THSD4: variants seen among roughly 807,000 people sequenced by gnomAD.
THSD4 encodes thrombospondin type 1 domain containing 4, also known as thrombospondin type-1 domain-containing protein 4.
In THSD4, 69 loss-of-function variants were observed where a neutral mutation model predicts 119.0. The ratio of observed to expected loss-of-function variants is 0.58; its 90% confidence interval spans 0.48 to 0.71. The LOEUF is 0.71. Among genes scored for constraint, THSD4 ranks in the 30% least tolerant of loss-of-function variants. THSD4 has a pLI of 0.00. For missense variants in THSD4, 1,393 were observed against 1,391.1 expected (o/e 1.00, Z -0.02); for synonymous variants, 524 against 540.4 (o/e 0.97, Z 0.42).
intron 13 of THSD4, 54 bp from the exon 14 acceptor site, chr15:71,748,367 C>G: frequency 6.2e-7 from 1 of 1,600,764 alleles, no homozygotes; most frequent in Non-Finnish European, 8.5e-7. Flanking sequence ...ACTGGCAATT[C>G]TCTCCCAGAG....
rs184800424 is a variant in THSD4, at chr15:71,709,193, G to A, written c.1358-19356G>A. Among the ~76,000 whole-genome samples the A allele has an allele frequency of 2.6e-5, 4 of 152,316 alleles. No homozygotes were observed. The East Asian group carries it at 7.7e-4, about 29-fold the overall frequency. ...CAGGGGGAGGAGTAATTAAAATAAGGTGTGTGAATTTACTCTGCGAACTAT... is the reference window on the plus strand; with the variant it reads ...CAGGGGGAGGAGTAATTAAAATAAGATGTGTGAATTTACTCTGCGAACTAT... On this transcript the variant is annotated intron_variant, in intron 8 of 17. Coordinates refer to ENST00000261862, the MANE Select transcript of THSD4 (RefSeq NM_024817.3).
chr15:71,122,243 C>T (rs995262441), intron 1 of THSD4, among the ~76,000 whole-genome samples: 2 of 152,070 alleles, frequency 1.3e-5, no homozygotes, highest in African/African-American at 4.8e-5. Context: ...GATTTACCTG[C>T]GTTCTTTTAT....
At chr15:71,289,807 A>C (rs1055414167) in intron 6 of THSD4, among the ~76,000 whole-genome samples, 3 of 152,198 alleles carry the variant, frequency 2.0e-5, no homozygotes, top group Middle Eastern at 3.4e-3. Flanking sequence ...GGAACAAGGG[A>C]AGAATAGGAA....
chr15:71,336,513 A>T (rs934210030), intron 6 of THSD4, among the ~76,000 whole-genome samples: 2 of 152,212 alleles, frequency 1.3e-5, no homozygotes, highest in Non-Finnish European at 2.9e-5. Flanking sequence ...AGTATCCAGA[A>T]TGTTTGGAGT....
rs1033621483 is a variant in THSD4 at position 71,242,697 on chromosome 15, G to A, written c.513G>A (p.Lys171=). The A allele has an allele frequency of 1.2e-6, 2 of 1,614,190 alleles. No homozygotes were observed. The highest frequency in any genetic ancestry group is 1.1e-5 in the South Asian group (1 of 91,078). Residue 171 remains lysine, a synonymous_variant, in exon 5 of 18, where the codon AAG becomes AAA. Transcript: ENST00000261862. The stretch of plus-strand genomic sequence containing the variant: ...GCCCTGGCAAGTATGGCTATGGTAA[G>A]GCCCCATATATCTTACCACTGCAGA... ...TIGPGKYGYG[K]APYILPLQTD... is the part of the protein sequence containing the mutation.
intron 8 of THSD4, among the ~76,000 whole-genome samples, chr15:71,684,983 C>T (rs1047782042): frequency 6.6e-6 from 1 of 152,038 alleles, no homozygotes; most frequent in Admixed American, 6.6e-5. Context: ...GTATCTTTTT[C>T]ATGGAGAATT....
chr15:71,492,412 G>A (rs1375746217), intron 7 of THSD4, among the ~76,000 whole-genome samples: 6 of 151,360 alleles, frequency 4.0e-5, no homozygotes, highest in Admixed American at 2.0e-4. Context: ...CCACAGGTGC[G>A]CACCACCATG....
At chr15:71,344,294 C>G (rs956967384) in intron 6 of THSD4, among the ~76,000 whole-genome samples, 13 of 151,842 alleles carry the variant, frequency 8.6e-5, no homozygotes, top group Admixed American at 7.9e-4. Context: ...CCACCCGCCT[C>G]GGCCCCCCAA....
chr15:71,199,620 G>GGTGTGTGGTGTGTGTGGTGT (rs2043759364), intron 3 of THSD4, among the ~76,000 whole-genome samples: 1 of 54,348 alleles, frequency 1.8e-5, no homozygotes, highest in East Asian at 6.9e-4. Flanking sequence ...GTGGTGTGTG[G>GGTGTGTGGTGTGTGTGGTGT]GTGTGTGGTG....
chr15:71,348,355 C>G (rs1022812688), intron 6 of THSD4: 1 of 152,226 alleles, frequency 6.6e-6, no homozygotes, highest in Non-Finnish European at 1.5e-5. Context: ...TCAATTGATG[C>G]TGTTGTTGCT....
chr15:71,661,024 T>A (rs532763762), intron 8 of THSD4, among the ~76,000 whole-genome samples: 1 of 152,350 alleles, frequency 6.6e-6, no homozygotes, highest in African/African-American at 2.4e-5. Flanking sequence ...GCCCAAATTA[T>A]TGCTCTGAGA....
At chr15:71,496,284 C>T (rs1397292031) in intron 7 of THSD4, among the ~76,000 whole-genome samples, 1 of 152,094 alleles carries the variant, frequency 6.6e-6, no homozygotes, top group Admixed American at 6.6e-5. Context: ...TTTAGTTGTA[C>T]AATAGAAAGC....
intron 7 of THSD4, among the ~76,000 whole-genome samples, chr15:71,634,265 G>T (rs1194559511): frequency 6.6e-6 from 1 of 152,154 alleles, no homozygotes; most frequent in Admixed American, 6.5e-5. Context: ...GATTAGGTGG[G>T]ATTGCATAAG....
intron 6 of THSD4, among the ~76,000 whole-genome samples, chr15:71,265,644 GC>G (rs2044456415): frequency 6.6e-6 from 1 of 152,108 alleles, no homozygotes; most frequent in African/African-American, 2.4e-5. Context: ...AAGCCAGGGA[GC>G]CAAGTGGTCT....
chr15:71,436,073 C>T (rs1036061954), intron 7 of THSD4, among the ~76,000 whole-genome samples: 1 of 152,156 alleles, frequency 6.6e-6, no homozygotes, highest in Non-Finnish European at 1.5e-5. Flanking sequence ...CTCTGAAGGG[C>T]ATAAAGCAAG....
intron 8 of THSD4, among the ~76,000 whole-genome samples, chr15:71,715,388 C>T (rs911921896): frequency 6.6e-6 from 1 of 152,192 alleles, no homozygotes; most frequent in African/African-American, 2.4e-5. Flanking sequence ...CACAATCCTG[C>T]ATCTTTTCAT....
At position 71,778,928 on chromosome 15, in the gene THSD4, A is replaced by G. The variant is rs2053958852; in HGVS notation, c.*1554A>G. The G allele has an allele frequency of 6.6e-6, 1 of 152,268 alleles. No individual in the cohort carries two copies. Among genetic ancestry groups the G allele is most frequent in the Non-Finnish European group, 1.5e-5 (1 of 68,044 alleles). The allele number at this position is 152,268 out of a possible 1,614,324, so 9.4% of individuals were successfully genotyped here. A position where few individuals can be genotyped will look rare whatever the true frequency, so the allele number is the denominator to read the frequency against. ...TAAGAAAAAATGGCAAGCTAAACAA[A>G]TGTTAAACTTACAGAAAATTTGTCT... On this transcript the variant is annotated 3_prime_UTR_variant, in exon 18 of 18. Transcript: ENST00000261862.
At chr15:71,429,062 A>G (rs1411885617) in intron 7 of THSD4, among the ~76,000 whole-genome samples, 1 of 152,222 alleles carries the variant, frequency 6.6e-6, no homozygotes, top group Non-Finnish European at 1.5e-5. Flanking sequence ...ATTACCAGTC[A>G]TGCTGCTGTA....
intron 8 of THSD4, among the ~76,000 whole-genome samples, chr15:71,661,924 C>T (rs2051316652): frequency 2.0e-5 from 3 of 152,138 alleles, no homozygotes; most frequent in African/African-American, 7.2e-5. Context: ...CTATTCCCAT[C>T]CCCACTTTAC....
Sources: allele counts gnomAD v4.1 joint callset (sites outside exome capture counted in the v4.1 genomes callset), GRCh38; gene constraint gnomAD v4.1.1; transcripts MANE v1.5; gene names NCBI Gene and HGNC (gene_info 2026-07-23, HGNC 2026-07-21).